The following SHOC2 variants were observed in gnomAD, a reference collection of about 807,000 sequenced individuals.
SHOC2 encodes SHOC2 leucine rich repeat scaffold protein.
In SHOC2, 4 loss-of-function variants were observed where a neutral mutation model predicts 50.2. The observed-to-expected ratio is 0.08, with a 90% confidence interval of 0.04 to 0.18. The LOEUF (loss-of-function observed/expected upper bound fraction) is 0.18, where lower values mean the gene tolerates loss of function less well. Among genes scored for constraint, SHOC2 ranks in the 10% least tolerant of loss-of-function variants. The probability of loss-of-function intolerance (pLI) is 1.00; values close to 1 mark genes in which losing one functional copy is unlikely to be tolerated. For synonymous variants in SHOC2, 218 were observed against 244.5 expected, an observed-to-expected ratio of 0.89 and a Z score of 1.01; for missense variants, 388 against 669.6, an observed-to-expected ratio of 0.58 and a Z score of 4.64.
intron 1 of SHOC2, among the ~76,000 whole-genome samples, chr10:110,944,188 T>C (rs1278303343): frequency 6.6e-6 from 1 of 152,224 alleles, no homozygotes; most frequent in Non-Finnish European, 1.5e-5. Context: ...TATATTGTTA[T>C]CTCCATTCTT....
intron 1 of SHOC2, among the ~76,000 whole-genome samples, chr10:110,939,724 A>G (rs764416433): frequency 1.3e-5 from 2 of 152,182 alleles, no homozygotes; most frequent in Non-Finnish European, 2.9e-5. Context: ...TCTCCTAGGC[A>G]AGAGAAAAAG....
At chr10:110,950,200 G>T (rs944333541) in intron 1 of SHOC2, among the ~76,000 whole-genome samples, 1 of 152,052 alleles carries the variant, frequency 6.6e-6, no homozygotes, top group Non-Finnish European at 1.5e-5. Context: ...CAGTAAAGTT[G>T]CAAAATATAA....
At chr10:110,974,958 G>A (rs748490376) in intron 2 of SHOC2, among the ~76,000 whole-genome samples, 16 of 152,000 alleles carry the variant, frequency 1.1e-4, no homozygotes, top group Non-Finnish European at 1.6e-4. Flanking sequence ...ATACAGAAAA[G>A]TTTCAAAACC....
At chr10:110,928,418 CT>C (rs1846820436) in intron 1 of SHOC2, among the ~76,000 whole-genome samples, 1 of 151,980 alleles carries the variant, frequency 6.6e-6, no homozygotes, top group Admixed American at 6.6e-5. Flanking sequence ...TCACTATTTA[CT>C]TTTTTATTTA....
At chr10:110,937,751 G>T (rs10749055) in intron 1 of SHOC2, among the ~76,000 whole-genome samples, 142,428 of 152,246 alleles carry the variant, frequency 0.94, 66,679 homozygotes, top group Admixed American at 0.96. Flanking sequence ...GGATAAATTT[G>T]TTTTATTAAA....
At chr10:110,936,130 A>G (rs181160495) in intron 1 of SHOC2, among the ~76,000 whole-genome samples, 5 of 119,520 alleles carry the variant, frequency 4.2e-5, no homozygotes, top group Non-Finnish European at 6.7e-5. Context: ...GAGTTTCGCT[A>G]TTGTCGCCCA....
chr10:110,929,255 A>C (rs893959756), intron 1 of SHOC2, among the ~76,000 whole-genome samples: 3 of 152,242 alleles, frequency 2.0e-5, no homozygotes, highest in African/African-American at 7.2e-5. Flanking sequence ...ATAACTAATT[A>C]TGCAAATTGA....
intron 1 of SHOC2, among the ~76,000 whole-genome samples, chr10:110,936,095 ATTT>A (rs11422342): frequency 1.5e-5 from 2 of 129,866 alleles, no homozygotes; most frequent in Admixed American, 1.6e-4. Context: ...TGCTTCACTG[ATTT>A]TTTTTTTTTT....
At chr10:110,943,902 C>T (rs1847198534) in intron 1 of SHOC2, among the ~76,000 whole-genome samples, 1 of 152,136 alleles carries the variant, frequency 6.6e-6, no homozygotes, top group Admixed American at 6.5e-5. Context: ...TTCTTGGCAA[C>T]CCAGAATCTT....
chr10:110,937,195 G>C, intron 1 of SHOC2: 1 of 1,523,232 alleles, frequency 6.6e-7, no homozygotes, highest in East Asian at 2.3e-5. Flanking sequence ...CCAGGAGATG[G>C]CCTCGACCAT....
intron 2 of SHOC2, among the ~76,000 whole-genome samples, chr10:110,982,788 A>G (rs939444801): frequency 6.6e-5 from 10 of 152,124 alleles, no homozygotes; most frequent in African/African-American, 1.7e-4. Flanking sequence ...CATGAGAGAC[A>G]TTGATTTATA....
intron 1 of SHOC2, among the ~76,000 whole-genome samples, chr10:110,939,595 ATGT>A (rs1847096901): frequency 6.6e-6 from 1 of 152,188 alleles, no homozygotes; most frequent in Non-Finnish European, 1.5e-5. Context: ...TGTTAGATTG[ATGT>A]TAGATTATGA....
In SHOC2 at chr10:110,946,741, G is replaced by C. The variant is rs111682743; in HGVS notation, c.-234-17384G>C. ...GGAATGCAAGTACCTAGCGGGGAGAGTTGGAGAAAAGCTAGACAAGTGTAG... is the reference window on the plus strand; with the variant it reads ...GGAATGCAAGTACCTAGCGGGGAGACTTGGAGAAAAGCTAGACAAGTGTAG... On this transcript the variant is annotated intron_variant, in intron 1 of 8. Transcript: ENST00000369452. Among the ~76,000 whole-genome samples the C allele has an allele frequency of 2.8e-3, 428 of 152,230 alleles. 2 individuals carry two copies. Among genetic ancestry groups the C allele is most frequent in the African/African-American group, 0.01 (418 of 41,536 alleles).
intron 1 of SHOC2, among the ~76,000 whole-genome samples, chr10:110,921,709 A>G (rs1430290555): frequency 2.0e-5 from 3 of 152,108 alleles, no homozygotes; most frequent in African/African-American, 7.2e-5. Flanking sequence ...GTTATTTTAA[A>G]ATGTGCAATT....
chr10:110,982,376 C>T lies in SHOC2; in HGVS notation c.704-3252C>T, dbSNP rs1439535891. Among the ~76,000 whole-genome samples, 364 of 151,552 alleles carry T rather than the reference C, an allele frequency of 2.4e-3. 1 individual carries two copies. The highest frequency in any genetic ancestry group is 0.014 in the Admixed American group (208 of 15,190). ...AGTCCTTTGGGTATATACCCAGTAA[C>T]GGGATGGCTGGGTCAAATGGTATTT... is the stretch of plus-strand genomic sequence containing the variant. On this transcript the variant is annotated intron_variant, in intron 2 of 8. Transcript: ENST00000369452.
intron 1 of SHOC2, among the ~76,000 whole-genome samples, chr10:110,946,950 CA>C (rs1847257081): frequency 6.6e-6 from 1 of 152,148 alleles, no homozygotes. Context: ...TTCACAGAAG[CA>C]TTTCGAATAA....
At chr10:110,940,840 C>T (rs576763532) in intron 1 of SHOC2, among the ~76,000 whole-genome samples, 1 of 150,634 alleles carries the variant, frequency 6.6e-6, no homozygotes, top group Non-Finnish European at 1.5e-5. Context: ...GATTCACACA[C>T]TCTTTCTATA....
At chr10:110,980,217 C>T (rs1028832608) in intron 2 of SHOC2, among the ~76,000 whole-genome samples, 21 of 147,740 alleles carry the variant, frequency 1.4e-4, no homozygotes, top group African/African-American at 4.3e-4. Context: ...AGTGCAGTGG[C>T]GCAGTCTCTG....
At chr10:110,920,758 A>G (rs1444167762) in intron 1 of SHOC2, among the ~76,000 whole-genome samples, 1 of 152,182 alleles carries the variant, frequency 6.6e-6, no homozygotes, top group Non-Finnish European at 1.5e-5. Context: ...AACCTACCCA[A>G]AGAAATATTT....
Sources: allele counts gnomAD v4.1 joint callset (sites outside exome capture counted in the v4.1 genomes callset), GRCh38; gene constraint gnomAD v4.1.1; transcripts MANE v1.5; gene names NCBI Gene and HGNC (gene_info 2026-07-23, HGNC 2026-07-21).